The following UGT1A7 variants were observed in gnomAD, a reference collection of about 807,000 sequenced individuals.
UGT1A7 encodes UDP glucuronosyltransferase family 1 member A7.
Under a neutral mutation model 45.6 loss-of-function variants are expected in UGT1A7, and 33 were observed. The ratio of observed to expected loss-of-function variants is 0.72; its 90% CI spans 0.55 to 0.97. The LOEUF (loss-of-function observed/expected upper bound fraction) is 0.97. Among genes scored for constraint, UGT1A7 ranks in the 50% least tolerant of loss-of-function variants. The probability of loss-of-function intolerance (pLI) is 0.00; values close to 1 mark genes in which losing one functional copy is unlikely to be tolerated. For missense variants in UGT1A7, 684 were observed against 666.2 expected, an observed-to-expected ratio of 1.03 and a Z score of -0.29; for synonymous variants, 274 against 250.6, an observed-to-expected ratio of 1.09 and a Z score of -0.88.
At position 233,769,700 on chromosome 2, in the gene UGT1A7, T is replaced by A; in HGVS notation, c.1295+1261T>A. The A allele has an allele frequency of 3.3e-6, 5 of 1,527,942 alleles. No homozygotes were observed. The highest frequency in any genetic ancestry group is 4.4e-6 in the Non-Finnish European group (5 of 1,136,410). 94.6% of individuals were successfully genotyped at this position (1,527,942 alleles called of 1,614,324 possible). On this transcript the variant is annotated intron_variant, in intron 4 of 4. Transcript: ENST00000373426. This position sits in a 1 kb window ranked among gnomAD's most constrained non-coding sequence, Gnocchi z 4.4. Reference sequence around the variant, plus strand: ...GTGTGTGGTGGCACTGGATAAAAGATCAATGTTGGCTAGGCACCATGGCAC... The same window carrying A: ...GTGTGTGGTGGCACTGGATAAAAGAACAATGTTGGCTAGGCACCATGGCAC...
At chr2:233,755,333 G>T (rs878855763) in intron 1 of UGT1A7, 4 of 455,148 alleles carry the variant, frequency 8.8e-6, no homozygotes, top group Admixed American at 7.1e-5. Context: ...CAGCACCCGC[G>T]CACAGGTCAG....
intron 1 of UGT1A7, among the ~76,000 whole-genome samples, chr2:233,748,979 CT>C (rs1333740168): frequency 1.3e-5 from 2 of 151,700 alleles, no homozygotes; most frequent in Non-Finnish European, 2.9e-5. Flanking sequence ...GGATCTACTT[CT>C]TTACCAACAA....
At chr2:233,747,952 A>G in intron 1 of UGT1A7, 2 of 1,613,280 alleles carry the variant, frequency 1.2e-6, no homozygotes, top group Non-Finnish European at 1.7e-6. Flanking sequence ...TCAGTGGTGG[A>G]TCTTCTCAGC....
At chr2:233,766,654 A>G (rs1414675173) in intron 1 of UGT1A7, among the ~76,000 whole-genome samples, 3 of 152,054 alleles carry the variant, frequency 2.0e-5, no homozygotes, top group Non-Finnish European at 4.4e-5. Flanking sequence ...ATTTAAAGGG[A>G]CCACGCCCTT....
At chr2:233,732,243 C>T (rs551987407) in intron 1 of UGT1A7, among the ~76,000 whole-genome samples, 33 of 152,314 alleles carry the variant, frequency 2.2e-4, no homozygotes, top group Non-Finnish European at 4.4e-4. Context: ...TGTAGGTTGC[C>T]TGTTCACTCT....
Position 233,738,670 on chromosome 2 carries a change from T to C in UGT1A7, c.856-28364T>C, listed in dbSNP as rs377285735. 5.3e-5 allele frequency among the ~76,000 whole-genome samples: 8 copies of C among 152,304 alleles called. No homozygotes were observed. The East Asian group carries it at 7.7e-4, about 15-fold the overall frequency. On this transcript the variant is annotated intron_variant, in intron 1 of 4. Transcript: ENST00000373426. ...TTTGGAACTACGAACTTGAGAGAGA[T>C]GATCTGAAATTGGAACTTATGTTTA...
intron 1 of UGT1A7, among the ~76,000 whole-genome samples, chr2:233,742,359 GA>G (rs1415780327): frequency 1.3e-5 from 2 of 152,084 alleles, no homozygotes; most frequent in Admixed American, 6.5e-5. Flanking sequence ...ATCTGCAGCA[GA>G]AACATGTCCT....
chr2:233,719,487 A>G lies in UGT1A7; in HGVS notation c.855+36695A>G, dbSNP rs138822211. ...GCTCTACCCTCTGGCCCTGTCCTAC[A>G]TTTGCCATACTTTTTCTGCCCCTTA... On this transcript the variant is annotated intron_variant, in intron 1 of 4. Transcript: ENST00000373426. 1.2e-5 allele frequency: 20 copies of G among 1,613,508 alleles called. No individual in the cohort carries two copies. In the African/African-American group the frequency reaches 2.7e-4, roughly 22 times the overall value.
At position 233,681,958 on chromosome 2, in the gene UGT1A7, T is replaced by C. The variant is rs1348349529; in HGVS notation, c.21T>C (p.Thr7=). 4 of 1,613,906 alleles carry C rather than the reference T, an allele frequency of 2.5e-6. No individual in the cohort carries two copies. In the African/African-American group the frequency reaches 4.0e-5, roughly 16 times the overall value. The change falls in exon 1 of 5, where the codon ACT becomes ACC. Residue 7 remains threonine (T), a synonymous_variant. Coordinates refer to ENST00000373426, the MANE Select transcript of UGT1A7 (RefSeq NM_019077.3). ...CTCTGATGGCTCGTGCAGGGTGGAC[T>C]GGCCTCCTTCCCCTATATGTGTGTC... MARAGW[T]GLLPLYVCLL... is the part of the protein sequence containing the mutation.
intron 1 of UGT1A7, among the ~76,000 whole-genome samples, chr2:233,744,344 C>A (rs1692781957): frequency 6.6e-6 from 1 of 151,846 alleles, no homozygotes; most frequent in African/African-American, 2.4e-5. Flanking sequence ...CTGACTGGGG[C>A]TGAAGACATC....
At position 233,681,961 on chromosome 2, in the gene UGT1A7, C is replaced by T; in HGVS notation, c.24C>T (p.Gly8=). The change falls in exon 1 of 5, where the codon GGC becomes GGT. Residue 8 remains glycine (G), a synonymous_variant. Coordinates refer to ENST00000373426, the MANE Select transcript of UGT1A7 (RefSeq NM_019077.3). ...TGATGGCTCGTGCAGGGTGGACTGG[C>T]CTCCTTCCCCTATATGTGTGTCTAC... MARAGWT[G]LLPLYVCLLL... is the part of the protein sequence containing the mutation. 3 of 1,613,960 alleles carry T rather than the reference C, an allele frequency of 1.9e-6. No individual in the cohort carries two copies. Among genetic ancestry groups the T allele is most frequent in the Non-Finnish European group, 2.5e-6 (3 of 1,179,886 alleles).
At chr2:233,692,917 G>A in intron 1 of UGT1A7, 2 of 1,565,222 alleles carry the variant, frequency 1.3e-6, no homozygotes, top group Admixed American at 1.9e-5. Flanking sequence ...GTGAAAAGCA[G>A]TGGTTAGTTT....
At chr2:233,684,518 AT>A (rs1229903576) in intron 1 of UGT1A7, among the ~76,000 whole-genome samples, 3 of 152,210 alleles carry the variant, frequency 2.0e-5, no homozygotes, top group Non-Finnish European at 2.9e-5. Context: ...TGTAGAAATT[AT>A]ATATGATTCT....
At chr2:233,754,200 T>C (rs1333668014) in intron 1 of UGT1A7, 4 of 162,792 alleles carry the variant, frequency 2.5e-5, no homozygotes, top group Non-Finnish European at 5.4e-5. Context: ...CAGTAAAACA[T>C]TGAAGTCAAA....
intron 2 of UGT1A7, 138 bp from the exon 3 acceptor site, chr2:233,767,711 C>A: frequency 2.6e-6 from 4 of 1,531,084 alleles, no homozygotes; most frequent in Non-Finnish European, 3.5e-6. Context: ...TCCTCAGAAG[C>A]CTTCACAGTT....
At chr2:233,759,615 C>CACCT (rs1177524804) in intron 1 of UGT1A7, among the ~76,000 whole-genome samples, 1 of 149,432 alleles carries the variant, frequency 6.7e-6, no homozygotes, top group Non-Finnish European at 1.5e-5. Context: ...CCCACCCACC[C>CACCT]ACCTGTTCAT....
chr2:233,710,987 A>G (rs532291825), intron 1 of UGT1A7, among the ~76,000 whole-genome samples: 1 of 152,344 alleles, frequency 6.6e-6, no homozygotes, highest in East Asian at 1.9e-4. Context: ...AATCATTCAG[A>G]TCAGGCTATT....
At chr2:233,712,758 C>T (rs4556969) in intron 1 of UGT1A7, among the ~76,000 whole-genome samples, 15,431 of 152,146 alleles carry the variant, frequency 0.1, 905 homozygotes, top group East Asian at 0.2. Context: ...CCAGAGCGAG[C>T]GCAAGGTCAG....
At chr2:233,713,270 G>T (rs199541495) in intron 1 of UGT1A7, 1 of 1,614,244 alleles carries the variant, frequency 6.2e-7, no homozygotes, top group East Asian at 2.2e-5. Context: ...ATCGCCTTTT[G>T]CTGGGTCACA....
Sources: gnomAD v4.1 joint callset for allele counts (sites outside exome capture counted in the v4.1 genomes callset) on GRCh38, gnomAD v4.1.1 for gene constraint, Gnocchi (gnomAD v3.1) non-coding constraint, MANE v1.5 for transcripts, NCBI Gene and HGNC (gene_info 2026-07-23, HGNC 2026-07-21) for gene names.